STK32B: variants seen among roughly 807,000 people sequenced by gnomAD.
STK32B encodes the protein serine/threonine kinase 32B.
STK32B carries 43 observed loss-of-function variants against 52.6 expected under a neutral mutation model. The observed-to-expected ratio is 0.82, with a 90% CI of 0.64 to 1.05. The LOEUF (loss-of-function observed/expected upper bound fraction) is 1.05. STK32B is among the 50% of genes least tolerant of loss of function. The pLI, the probability that STK32B is intolerant of heterozygous loss-of-function variation, is 0.00. For missense variants in STK32B, 621 were observed against 534.6 expected (o/e 1.16, Z -1.59); for synonymous variants, 238 against 204.3 (o/e 1.17, Z -1.41).
At chr4:5,258,549 C>T (rs1167441316) in intron 3 of STK32B, among the ~76,000 whole-genome samples, 1 of 152,154 alleles carries the variant, frequency 6.6e-6, no homozygotes, top group African/African-American at 2.4e-5. Flanking sequence ...TCCATTCTCC[C>T]CAGTGTGAGC....
chr4:5,211,745 A>T (rs1722917829), intron 3 of STK32B, among the ~76,000 whole-genome samples: 1 of 152,310 alleles, frequency 6.6e-6, no homozygotes, highest in East Asian at 1.9e-4. Flanking sequence ...ACAAGCAAAC[A>T]AACAATCTTG....
chr4:5,498,630 T>G (rs989580833), intron 11 of STK32B, among the ~76,000 whole-genome samples: 15 of 152,174 alleles, frequency 9.9e-5, no homozygotes, highest in African/African-American at 3.6e-4. Context: ...ATATGGTATA[T>G]ACAAAAATAT....
At chr4:5,319,452 T>C (rs919481336) in intron 3 of STK32B, among the ~76,000 whole-genome samples, 1 of 152,194 alleles carries the variant, frequency 6.6e-6, no homozygotes, top group Admixed American at 6.5e-5. Flanking sequence ...TTCTCCTGTT[T>C]CCAAATCCTC....
the STK32B span, among the ~76,000 whole-genome samples, chr4:5,036,901 C>T: frequency 6.6e-6 from 1 of 151,816 alleles, no homozygotes; most frequent in African/African-American, 2.4e-5. Context: ...CTCCTGACCT[C>T]GTGATCTGCC....
intron 7 of STK32B, among the ~76,000 whole-genome samples, chr4:5,451,194 G>T (rs1715964224): frequency 6.6e-6 from 1 of 152,234 alleles, no homozygotes; most frequent in African/African-American, 2.4e-5. Flanking sequence ...ACAGGTAGAT[G>T]CAGGTAAAGC....
At chr4:5,229,561 T>G (rs1186735600) in intron 3 of STK32B, among the ~76,000 whole-genome samples, 1 of 152,214 alleles carries the variant, frequency 6.6e-6, no homozygotes, top group Non-Finnish European at 1.5e-5. Context: ...CAGTTAGACA[T>G]GGATGATATA....
chr4:5,291,132 G>A (rs1182273539), intron 3 of STK32B, among the ~76,000 whole-genome samples: 1 of 151,884 alleles, frequency 6.6e-6, no homozygotes, highest in Non-Finnish European at 1.5e-5. Context: ...ATTTTTTGAA[G>A]GATTATTTTG....
intron 4 of STK32B, chr4:5,345,397 C>T (rs1004735744): frequency 3.3e-5 from 5 of 151,282 alleles, no homozygotes; most frequent in Non-Finnish European, 4.4e-5. Context: ...TCCCATGGAC[C>T]ACTTAATTTT....
chr4:5,208,302 C>G (rs1181758077), intron 3 of STK32B, among the ~76,000 whole-genome samples: 1 of 152,146 alleles, frequency 6.6e-6, no homozygotes, highest in Non-Finnish European at 1.5e-5. Flanking sequence ...CTACCCCTTG[C>G]CTAGAAAGGA....
At chr4:5,450,299 C>G (rs1177863279) in intron 7 of STK32B, among the ~76,000 whole-genome samples, 1 of 152,216 alleles carries the variant, frequency 6.6e-6, no homozygotes, top group African/African-American at 2.4e-5. Flanking sequence ...CCAGAGAACA[C>G]TATGGAAAGA....
intron 3 of STK32B, among the ~76,000 whole-genome samples, chr4:5,194,836 AAGG>A (rs1359033024): frequency 3.3e-5 from 5 of 152,118 alleles, no homozygotes; most frequent in African/African-American, 1.2e-4. Flanking sequence ...GAGCAAGATG[AAGG>A]AGGAGAAGTG....
At chr4:5,409,436 A>G (rs1451719509) in intron 5 of STK32B, among the ~76,000 whole-genome samples, 3 of 152,160 alleles carry the variant, frequency 2.0e-5, no homozygotes, top group Non-Finnish European at 4.4e-5. Flanking sequence ...CAATACTGTG[A>G]GATAGAAAGG....
intron 11 of STK32B, among the ~76,000 whole-genome samples, chr4:5,479,565 T>A (rs1718519387): frequency 6.6e-6 from 1 of 152,202 alleles, no homozygotes; most frequent in Non-Finnish European, 1.5e-5. Context: ...TTTCTCCATT[T>A]CAATTCTATG....
chr4:5,277,659 T>C (rs1301872982), intron 3 of STK32B, among the ~76,000 whole-genome samples: 1 of 152,260 alleles, frequency 6.6e-6, no homozygotes, highest in Non-Finnish European at 1.5e-5. Flanking sequence ...TATTAAAAGC[T>C]GCACTTCATC....
intron 3 of STK32B, among the ~76,000 whole-genome samples, chr4:5,296,327 C>T (rs1429818532): frequency 1.3e-5 from 2 of 152,146 alleles, no homozygotes; most frequent in Non-Finnish European, 2.9e-5. Context: ...TGTTAATTTT[C>T]TGTCTCATTG....
intron 3 of STK32B, among the ~76,000 whole-genome samples, chr4:5,272,669 C>G (rs1222606529): frequency 2.0e-5 from 3 of 151,882 alleles, no homozygotes; most frequent in Admixed American, 6.6e-5. Flanking sequence ...CAGAACAGAG[C>G]CCTCAGAAAT....
intron 3 of STK32B, among the ~76,000 whole-genome samples, chr4:5,217,902 G>A (rs749681348): frequency 4.6e-5 from 7 of 152,198 alleles, no homozygotes; most frequent in Middle Eastern, 3.4e-3. Context: ...GTTCTCATGC[G>A]GTGAAACTAC....
chr4:5,347,200 C>A (rs994095725), intron 4 of STK32B, among the ~76,000 whole-genome samples: 5 of 152,286 alleles, frequency 3.3e-5, no homozygotes, highest in Non-Finnish European at 7.4e-5. Context: ...CTGGAAAGCT[C>A]TACAGTTAGA....
At chr4:5,331,433 C>T (rs1356139048) in intron 4 of STK32B, 40 bp downstream of exon 4, 2 of 1,577,500 alleles carry the variant, frequency 1.3e-6, no homozygotes, top group Non-Finnish European at 1.7e-6. Context: ...ACAGAGGGAC[C>T]ATGGGCTAGG....
Sources: gnomAD v4.1 joint callset for allele counts (sites outside exome capture counted in the v4.1 genomes callset) on GRCh38, gnomAD v4.1.1 for gene constraint, MANE v1.5 for transcripts, NCBI Gene and HGNC (gene_info 2026-07-23, HGNC 2026-07-21) for gene names.